The following SH3BGRL2 variants were observed in gnomAD, a reference collection of about 807,000 sequenced individuals.
The protein encoded by SH3BGRL2 is SH3 domain binding glutamate rich protein like 2, also known as SH3 domain-binding glutamic acid-rich-like protein 2.
A neutral mutation model predicts 14.8 loss-of-function variants in SH3BGRL2; 21 were observed. The observed-to-expected ratio is 1.42, with a 90% CI of 1.01 to 2.05. The LOEUF is 2.05. Among genes scored for constraint, SH3BGRL2 ranks in the 30% most tolerant of loss-of-function variants. The pLI, the probability that SH3BGRL2 is intolerant of heterozygous loss-of-function variation, is 0.00. For missense variants in SH3BGRL2, 147 were observed against 130.8 expected, an observed-to-expected ratio of 1.12 and a Z score of -0.61; for synonymous variants, 50 against 47.8, an observed-to-expected ratio of 1.05 and a Z score of -0.19.
chr6:79,649,206 A>G (rs2127725850), intron 1 of SH3BGRL2, among the ~76,000 whole-genome samples: 1 of 152,342 alleles, frequency 6.6e-6, no homozygotes, highest in Admixed American at 6.5e-5. Flanking sequence ...TGTGTTTGGC[A>G]TAGAGTGAAA....
intron 2 of SH3BGRL2, among the ~76,000 whole-genome samples, chr6:79,675,354 G>GT (rs1007686460): frequency 2.6e-5 from 4 of 152,116 alleles, no homozygotes; most frequent in East Asian, 3.9e-4. Context: ...TTCCTTGATT[G>GT]TTTATGTTTT....
At chr6:79,688,355 C>T (rs1344516070) in intron 2 of SH3BGRL2, among the ~76,000 whole-genome samples, 1 of 151,992 alleles carries the variant, frequency 6.6e-6, no homozygotes, top group Non-Finnish European at 1.5e-5. Flanking sequence ...CAGCAATTGG[C>T]AATATAAACA....
chr6:79,699,763 C>T lies in SH3BGRL2; in HGVS notation c.*254C>T. 1 of 440,176 alleles carries T rather than the reference C, an allele frequency of 2.3e-6. No individual in the cohort carries two copies. Among genetic ancestry groups the T allele is most frequent in the Non-Finnish European group, 3.9e-6 (1 of 253,946 alleles). 27.3% of individuals were successfully genotyped at this position (440,176 alleles called of 1,614,324 possible). On this transcript the variant is annotated 3_prime_UTR_variant, in exon 4 of 4. Coordinates refer to ENST00000369838, the MANE Select transcript of SH3BGRL2 (RefSeq NM_031469.4). ...TGCCTCACTCACCTGGAAATACCGT[C>T]ACCTGTTACAGGTGTACTTTCTTAA...
chr6:79,662,430 T>C (rs1309196852), intron 1 of SH3BGRL2, among the ~76,000 whole-genome samples: 1 of 152,176 alleles, frequency 6.6e-6, no homozygotes, highest in East Asian at 1.9e-4. Context: ...GATATGAAAT[T>C]CTGGGTTGAA....
At chr6:79,563,243 C>G in the SH3BGRL2 span, among the ~76,000 whole-genome samples, 1 of 151,272 alleles carries the variant, frequency 6.6e-6, no homozygotes, top group East Asian at 1.9e-4. Flanking sequence ...TCCCAAAGTG[C>G]TGGGATTACA....
intron 1 of SH3BGRL2, among the ~76,000 whole-genome samples, chr6:79,653,631 C>G (rs960652060): frequency 6.6e-6 from 1 of 152,146 alleles, no homozygotes; most frequent in African/African-American, 2.4e-5. Context: ...GCCCTTGGCA[C>G]TGTTTTCATA....
chr6:79,678,747 G>A (rs1176298500), intron 2 of SH3BGRL2, among the ~76,000 whole-genome samples: 1 of 152,106 alleles, frequency 6.6e-6, no homozygotes, highest in Non-Finnish European at 1.5e-5. Flanking sequence ...TACCCAATAG[G>A]TAGTTTTTTG....
At chr6:79,679,859 T>G (rs978220027) in intron 2 of SH3BGRL2, among the ~76,000 whole-genome samples, 18 of 152,190 alleles carry the variant, frequency 1.2e-4, no homozygotes, top group African/African-American at 4.1e-4. Context: ...TGAATATGTT[T>G]GTTAGCCATT....
At chr6:79,607,571 C>G in the SH3BGRL2 span, among the ~76,000 whole-genome samples, 3 of 152,130 alleles carry the variant, frequency 2.0e-5, no homozygotes, top group Non-Finnish European at 4.4e-5. Flanking sequence ...CCTATGGGGA[C>G]TGCTGTACCC....
At chr6:79,566,191 G>C in the SH3BGRL2 span, among the ~76,000 whole-genome samples, 1 of 152,158 alleles carries the variant, frequency 6.6e-6, no homozygotes, top group Non-Finnish European at 1.5e-5. Flanking sequence ...TATTTCCCAA[G>C]AGTATCTCAG....
the SH3BGRL2 span, among the ~76,000 whole-genome samples, chr6:79,572,075 C>G: frequency 6.6e-6 from 1 of 152,160 alleles, no homozygotes; most frequent in Admixed American, 6.6e-5. Flanking sequence ...ATTACCTAAA[C>G]CACAAACTTT....
the SH3BGRL2 span, among the ~76,000 whole-genome samples, chr6:79,551,063 A>G: frequency 6.6e-6 from 1 of 152,232 alleles, no homozygotes; most frequent in Non-Finnish European, 1.5e-5. Context: ...AAAGAAAAGA[A>G]AAGAAAGAAA....
the SH3BGRL2 span, among the ~76,000 whole-genome samples, chr6:79,614,326 AC>A: frequency 2.7e-5 from 4 of 150,494 alleles, no homozygotes; most frequent in Non-Finnish European, 5.9e-5. Flanking sequence ...CAAGAACCAA[AC>A]CCATGGAAGT....
chr6:79,583,373 G>T, the SH3BGRL2 span, among the ~76,000 whole-genome samples: 3 of 152,128 alleles, frequency 2.0e-5, no homozygotes, highest in Non-Finnish European at 4.4e-5. Context: ...CAAAGACTTG[G>T]AACCAACCCA....
At chr6:79,678,282 A>C (rs1314826751) in intron 2 of SH3BGRL2, among the ~76,000 whole-genome samples, 1 of 149,112 alleles carries the variant, frequency 6.7e-6, no homozygotes, top group Non-Finnish European at 1.5e-5. Context: ...TATATCCCTT[A>C]AACAACTCCC....
chr6:79,634,138 G>A (rs753675508), intron 1 of SH3BGRL2, among the ~76,000 whole-genome samples: 1 of 152,160 alleles, frequency 6.6e-6, no homozygotes, highest in Non-Finnish European at 1.5e-5. Flanking sequence ...AAGATGCTCC[G>A]CTTCAATCAT....
At chr6:79,697,629 G>A in intron 3 of SH3BGRL2, among the ~76,000 whole-genome samples, 1 of 152,144 alleles carries the variant, frequency 6.6e-6, no homozygotes, top group Non-Finnish European at 1.5e-5. Context: ...GATGGTTGTG[G>A]GTGGTTTCCA....
At chr6:79,567,453 G>A in the SH3BGRL2 span, among the ~76,000 whole-genome samples, 1 of 152,158 alleles carries the variant, frequency 6.6e-6, no homozygotes, top group Non-Finnish European at 1.5e-5. Flanking sequence ...TACAGGATAG[G>A]TAAATATACC....
At chr6:79,579,513 G>T in the SH3BGRL2 span, among the ~76,000 whole-genome samples, 2 of 152,158 alleles carry the variant, frequency 1.3e-5, no homozygotes, top group African/African-American at 4.8e-5. Context: ...TTAAAGAAAA[G>T]AATTTTCAAC....
Sources: allele counts gnomAD v4.1 joint callset (sites outside exome capture counted in the v4.1 genomes callset), GRCh38; gene constraint gnomAD v4.1.1; transcripts MANE v1.5; gene names NCBI Gene and HGNC (gene_info 2026-07-23, HGNC 2026-07-21).